AOC3: variants seen among roughly 807,000 people sequenced by gnomAD.
The protein encoded by AOC3 is amine oxidase copper containing 3, also known as amine oxidase [copper-containing] 3.
A neutral mutation model predicts 55.4 loss-of-function variants in AOC3; 47 were observed. The observed-to-expected ratio is 0.85, with a 90% CI of 0.67 to 1.08. The LOEUF (loss-of-function observed/expected upper bound fraction) is 1.08, where lower values mean the gene tolerates loss of function less well. Ranked by LOEUF, AOC3 falls within the 50% of genes least tolerant of loss-of-function variation. The probability of loss-of-function intolerance (pLI) is 0.00; values close to 1 mark genes in which losing one functional copy is unlikely to be tolerated. For missense variants in AOC3, 853 were observed against 993.1 expected (o/e 0.86, Z 1.90); for synonymous variants, 386 against 410.7 (o/e 0.94, Z 0.73).
At position 42,851,202 on chromosome 17, in the gene AOC3, C is replaced by A; in HGVS notation, c.-142C>A. 1.4e-6 allele frequency: 1 copy of A among 719,822 alleles called. No individual in the cohort carries two copies. The highest frequency in any genetic ancestry group is 2.1e-6 in the Non-Finnish European group (1 of 469,718). 44.6% of individuals were successfully genotyped at this position (719,822 alleles called of 1,614,324 possible). A position where few individuals can be genotyped will look rare whatever the true frequency, so the allele number is the denominator to read the frequency against. Reference sequence around the variant, plus strand: ...TTCCTGTGTCCTTCCCACCCTTAGTCCCAGGCATCTGACTACCGGGAACCT... The same window carrying A: ...TTCCTGTGTCCTTCCCACCCTTAGTACCAGGCATCTGACTACCGGGAACCT... On this transcript the variant is annotated 5_prime_UTR_variant, in exon 1 of 4. Transcript: ENST00000308423.
Position 42,852,906 on chromosome 17 carries a change from C to G in AOC3, c.1563C>G (p.Thr521=). 6.2e-7 allele frequency: 1 copy of G among 1,608,638 alleles called. No homozygotes were observed. Among genetic ancestry groups the G allele is most frequent in the Non-Finnish European group, 8.5e-7 (1 of 1,175,412 alleles). ...AGCACACCCTGGGCACGGTCCACAC[C>G]CACAGCGCCCACTTCAAGGTGGATC... ...VSEHTLGTVH[T]HSAHFKVDLD... is the part of the protein sequence containing the mutation. The change falls in exon 1 of 4, where the codon ACC becomes ACG. Residue 521 remains threonine, a synonymous_variant. Transcript: ENST00000308423.
rs548715489 is a variant in AOC3, at chr17:42,851,430, T to G, written c.87T>G (p.Gly29=). ...ALVCVLLVGR[G]GDGGEPSQLP... ...TTTGTGTCCTGCTGGTGGGCAGGGG[T>G]GGAGATGGGGGTGAACCCAGCCAGC... Residue 29 remains glycine, a synonymous_variant, in exon 1 of 4, where the codon GGT becomes GGG. Transcript: ENST00000308423. The G allele has an allele frequency of 6.2e-7, 1 of 1,614,152 alleles. No homozygotes were observed. The highest frequency in any genetic ancestry group is 8.5e-7 in the Non-Finnish European group (1 of 1,180,010).
In AOC3 at chr17:42,852,874, G is replaced by A; in HGVS notation, c.1531G>A (p.Val511Met). 4.3e-6 allele frequency: 7 copies of A among 1,613,128 alleles called. No homozygotes were observed. The highest frequency in any genetic ancestry group is 1.3e-5 in the African/African-American group (1 of 75,038). ...FGATGKYGNQ[V>M]SEHTLGTVHT... The stretch of plus-strand genomic sequence containing the variant: ...TGCTACTGGGAAGTACGGGAACCAA[G>A]TGTCAGAGCACACCCTGGGCACGGT... The change falls in exon 1 of 4, where the codon GTG becomes ATG. Residue 511 changes from valine (V) to methionine (M), a missense_variant. Transcript: ENST00000308423.
chr17:42,854,743 G>A lies in AOC3; in HGVS notation c.1886+10G>A, dbSNP rs34908272. 137,556 of 1,461,010 alleles carry A rather than the reference G, an allele frequency of 0.094. 7,206 individuals carry two copies. Among genetic ancestry groups the A allele is most frequent in the Non-Finnish European group, 0.11 (117,506 of 1,101,110 alleles). The allele number at this position is 1,461,010 out of a possible 1,614,324, so 90.5% of individuals were successfully genotyped here. ...GCTTCAGCTGGGAGAGGTGAGTGGC[G>A]GGCAGTCAGAGAGGAGGGGGGCAGT... On this transcript the variant is annotated intron_variant, in intron 2 of 3. Transcript: ENST00000308423.
At chr17:42,854,144 G>T in intron 1 of AOC3, 1 of 237,866 alleles carries the variant, frequency 4.2e-6, no homozygotes, top group Non-Finnish European at 8.1e-6. Flanking sequence ...TGTCTGCGTG[G>T]AAAGCAAGAG....
chr17:42,856,816 G>A lies in AOC3; in HGVS notation c.*266G>A, dbSNP rs575420233. 4 of 526,772 alleles carry A rather than the reference G, an allele frequency of 7.6e-6. No individual in the cohort carries two copies. The East Asian group carries it at 1.3e-4, about 17-fold the overall frequency. The allele number at this position is 526,772 out of a possible 1,614,324, so 32.6% of individuals were successfully genotyped here. ...AGGCATGGCCCAGCCTGGAGCCGTG[G>A]CCGAGGGCTTCCCTAGATGGTTCCC... On this transcript the variant is annotated 3_prime_UTR_variant, in exon 4 of 4. Coordinates refer to ENST00000308423, the MANE Select transcript of AOC3 (RefSeq NM_003734.4).
At position 42,856,725 on chromosome 17, in the gene AOC3, T is replaced by G; in HGVS notation, c.*175T>G. 1 of 718,216 alleles carries G rather than the reference T, an allele frequency of 1.4e-6. No homozygotes were observed. Among genetic ancestry groups the G allele is most frequent in the Non-Finnish European group, 2.3e-6 (1 of 443,194 alleles). 44.5% of individuals were successfully genotyped at this position (718,216 alleles called of 1,614,324 possible). A position where few individuals can be genotyped will look rare whatever the true frequency, so the allele number is the denominator to read the frequency against. ...AGCCAGGAGCCTCCTGACCCTGTGA[T>G]GCCTGACACAGGGGACACTGAACCT... On this transcript the variant is annotated 3_prime_UTR_variant, in exon 4 of 4. Coordinates refer to ENST00000308423, the MANE Select transcript of AOC3 (RefSeq NM_003734.4).
rs753316371 is a variant in AOC3, at chr17:42,851,826, A to G, written c.483A>G (p.Gly161=). The G allele has an allele frequency of 3.7e-6, 6 of 1,613,434 alleles. No homozygotes were observed. In the African/African-American group the frequency reaches 6.7e-5, roughly 18 times the overall value. The change falls in exon 1 of 4, where the codon GGA becomes GGG. Residue 161 remains glycine, a synonymous_variant. Transcript: ENST00000308423. ...GGGACGTGACTGTGGAGCGTCATGGAGGCCCCCTGCCCTATCACCGACGCC... is the reference window on the plus strand; with the variant it reads ...GGGACGTGACTGTGGAGCGTCATGGGGGCCCCCTGCCCTATCACCGACGCC... The part of the protein sequence containing the change: ...YMRDVTVERH[G]GPLPYHRRPV...
chr17:42,854,752 G>T lies in AOC3; in HGVS notation c.1886+19G>T. 6.9e-7 allele frequency: 1 copy of T among 1,458,872 alleles called. No homozygotes were observed. Among genetic ancestry groups the T allele is most frequent in the Non-Finnish European group, 9.1e-7 (1 of 1,100,414 alleles). The allele number at this position is 1,458,872 out of a possible 1,614,324, so 90.4% of individuals were successfully genotyped here. On this transcript the variant is annotated intron_variant, in intron 2 of 3. Coordinates refer to ENST00000308423, the MANE Select transcript of AOC3 (RefSeq NM_003734.4). The stretch of plus-strand genomic sequence containing the variant: ...GGGAGAGGTGAGTGGCGGGCAGTCA[G>T]AGAGGAGGGGGGCAGTGAGAGTGGG...
rs1255243262 is a variant in AOC3, at chr17:42,852,965, A to G, written c.1600+22A>G. On this transcript the variant is annotated intron_variant, in intron 1 of 3. Transcript: ENST00000308423. ...GCAGGTAAGACATTTTGGTGGGGAG[A>G]AGGCTTCTGGAAGAAGGGCTGAAAA... The G allele has an allele frequency of 6.3e-6, 10 of 1,591,710 alleles. No individual in the cohort carries two copies. The East Asian group carries it at 2.0e-4, about 32-fold the overall frequency.
chr17:42,853,011 G>T, intron 1 of AOC3, 68 bp downstream of exon 1: 1 of 1,534,700 alleles, frequency 6.5e-7, no homozygotes, highest in Non-Finnish European at 8.8e-7. Context: ...TTAGCTTTGG[G>T]TTTTATGTAG....
In AOC3 at chr17:42,851,844, C is replaced by T. The variant is rs745504464; in HGVS notation, c.501C>T (p.His167=). 1.2e-6 allele frequency: 2 copies of T among 1,613,668 alleles called. No homozygotes were observed. The highest frequency in any genetic ancestry group is 3.3e-5 in the Admixed American group (2 of 60,028). The change falls in exon 1 of 4, where the codon CAC becomes CAT. Residue 167 remains histidine (H), a synonymous_variant. Transcript: ENST00000308423. The stretch of plus-strand genomic sequence containing the variant: ...GTCATGGAGGCCCCCTGCCCTATCA[C>T]CGACGCCCCGTGCTGTTCCAAGAGT... ...VERHGGPLPY[H]RRPVLFQEYL... is the part of the protein sequence containing the mutation.
intron 3 of AOC3, 28 bp downstream of exon 3, chr17:42,855,601 G>A (rs1435724168): frequency 6.2e-7 from 1 of 1,613,942 alleles, no homozygotes; most frequent in East Asian, 2.2e-5. Flanking sequence ...GAGGGTACAG[G>A]ATGAGCCTTG....
At chr17:42,853,206 G>T in intron 1 of AOC3, 1 of 1,329,722 alleles carries the variant, frequency 7.5e-7, no homozygotes, top group Non-Finnish European at 9.7e-7. Flanking sequence ...CAGGATTTGG[G>T]CTAACAGTGT....
intron 1 of AOC3, among the ~76,000 whole-genome samples, chr17:42,853,528 T>C (rs942200543): frequency 6.6e-6 from 1 of 152,154 alleles, no homozygotes; most frequent in African/African-American, 2.4e-5. Flanking sequence ...CAAGGCTACA[T>C]GATGGCTTGG....
Position 42,856,743 on chromosome 17 carries a change from C to T in AOC3, c.*193C>T, listed in dbSNP as rs8078218. 14,362 of 664,922 alleles carry T rather than the reference C, an allele frequency of 0.022. 1,442 individuals are homozygous for T. The African/African-American group carries it at 0.23, about 10-fold the overall frequency. The allele number at this position is 664,922 out of a possible 1,614,324, so 41.2% of individuals were successfully genotyped here. On this transcript the variant is annotated 3_prime_UTR_variant, in exon 4 of 4. Transcript: ENST00000308423. Reference sequence around the variant, plus strand: ...CCTGTGATGCCTGACACAGGGGACACTGAACCTTGTTGATGCCAGCTGTAC... The same window carrying T: ...CCTGTGATGCCTGACACAGGGGACATTGAACCTTGTTGATGCCAGCTGTAC...
rs574110621 is a variant in AOC3 at position 42,851,558 on chromosome 17, T to A, written c.215T>A (p.Met72Lys). 1.2e-6 allele frequency: 2 copies of A among 1,613,824 alleles called. No homozygotes were observed. Among genetic ancestry groups the A allele is most frequent in the Admixed American group, 3.3e-5 (2 of 60,022 alleles). Residue 72 changes from methionine (M) to lysine (K), a missense_variant, in exon 1 of 4, where the codon ATG becomes AAG. Transcript: ENST00000308423. ...AGCCGAGAGGAGCTGACGGCTGTGA[T>A]GCGCTTTCTGACCCAGCGGCTGGGG... The part of the protein sequence containing the change: ...DLSREELTAV[M>K]RFLTQRLGPG...
intron 1 of AOC3, 140 bp from the exon 2 acceptor site, chr17:42,854,308 C>T: frequency 1.4e-6 from 1 of 710,550 alleles, no homozygotes; most frequent in East Asian, 3.2e-5. Flanking sequence ...TTGGAGGTAT[C>T]CTGGGGAGAG....
chr17:42,855,527 C>G lies in AOC3; in HGVS notation c.1970C>G (p.Thr657Ser), dbSNP rs762602377. ...VFNQNDPWAP[T>S]VDFSDFINNE... ...AATCAGAATGACCCTTGGGCCCCCA[C>G]TGTGGATTTCAGTGACTTCATCAAC... Residue 657 changes from threonine (T) to serine (S), a missense_variant, in exon 3 of 4, where the codon ACT (threonine) becomes AGT (serine). Thr to Ser is a moderately conservative substitution (Grantham distance 58). Transcript: ENST00000308423. 1.4e-5 allele frequency: 23 copies of G among 1,614,080 alleles called. No individual in the cohort carries two copies. The highest frequency in any genetic ancestry group is 1.9e-5 in the Non-Finnish European group (22 of 1,180,006).
Sources: gnomAD v4.1 joint callset for allele counts (sites outside exome capture counted in the v4.1 genomes callset) on GRCh38, gnomAD v4.1.1 for gene constraint, MANE v1.5 for transcripts, NCBI Gene and HGNC (gene_info 2026-07-23, HGNC 2026-07-21) for gene names.